HORMAD2: variants seen among roughly 807,000 people sequenced by gnomAD.
HORMAD2 encodes HORMA domain containing 2, also known as HORMA domain-containing protein 2.
A neutral mutation model predicts 38.8 loss-of-function variants in HORMAD2; 45 were observed. The ratio of observed to expected loss-of-function variants is 1.16; its 90% CI spans 0.91 to 1.49. The LOEUF (loss-of-function observed/expected upper bound fraction) is 1.49, where lower values mean the gene tolerates loss of function less well. Ranked by LOEUF, HORMAD2 falls within the 40% of genes most tolerant of loss-of-function variation. The pLI, the probability that HORMAD2 is intolerant of heterozygous loss-of-function variation, is 0.00. For missense variants in HORMAD2, 338 were observed against 367.0 expected (o/e 0.92, Z 0.65); for synonymous variants, 126 against 122.8 (o/e 1.03, Z -0.17).
rs1195194452 is a variant in HORMAD2 at position 30,121,809 on chromosome 22, C to G, written c.568+20C>G. ...ATGCAGGTAGGTAGAGAACTTTAGGCAAATTCCTCCTTAAGTGCTGAGCTA... is the reference window on the plus strand; with the variant it reads ...ATGCAGGTAGGTAGAGAACTTTAGGGAAATTCCTCCTTAAGTGCTGAGCTA... On this transcript the variant is annotated intron_variant, in intron 9 of 10. Transcript: ENST00000336726. 1 of 1,592,762 alleles carries G rather than the reference C, an allele frequency of 6.3e-7. No homozygotes were observed. The highest frequency in any genetic ancestry group is 1.4e-5 in the African/African-American group (1 of 73,836).
chr22:30,163,017 A>C (rs1397984404), intron 10 of HORMAD2, among the ~76,000 whole-genome samples: 3 of 152,134 alleles, frequency 2.0e-5, no homozygotes, highest in African/African-American at 7.2e-5. Flanking sequence ...TGGACATCTT[A>C]AAATCACAAA....
intron 1 of HORMAD2, among the ~76,000 whole-genome samples, chr22:30,085,657 G>C (rs548090854): frequency 2.6e-5 from 4 of 152,342 alleles, no homozygotes; most frequent in African/African-American, 9.6e-5. Context: ...AGGACGCTGA[G>C]GCAGGAGAAT....
intron 10 of HORMAD2, among the ~76,000 whole-genome samples, chr22:30,164,042 T>G (rs766781466): frequency 6.6e-5 from 10 of 152,234 alleles, no homozygotes; most frequent in Non-Finnish European, 1.5e-4. Flanking sequence ...CAAGTGGAAT[T>G]ATATAATATT....
chr22:30,091,262 C>CTTT (rs1569081364), intron 1 of HORMAD2, among the ~76,000 whole-genome samples: 1 of 116,626 alleles, frequency 8.6e-6, no homozygotes. Context: ...TTCTCTCTTT[C>CTTT]TTTCTTTTTT....
intron 10 of HORMAD2, among the ~76,000 whole-genome samples, chr22:30,159,233 C>T (rs1221265472): frequency 6.6e-6 from 1 of 152,118 alleles, no homozygotes; most frequent in Non-Finnish European, 1.5e-5. Context: ...ATATGCCCTG[C>T]CATAATACTG....
At position 30,127,199 on chromosome 22, in the gene HORMAD2, CTTTTTTTTTTTTT is replaced by C. The variant is rs757608874; in HGVS notation, c.819+5000_819+5012del. Among the ~76,000 whole-genome samples, 282 of 79,810 alleles carry C rather than the reference CTTTTTTTTTTTTT, an allele frequency of 3.5e-3. 2 individuals are homozygous for C. The highest frequency in any genetic ancestry group is 0.012 in the African/African-American group (237 of 20,550). The allele number at this position is 79,810 out of a possible 152,430, so 52.4% of individuals were successfully genotyped here. A position where few individuals can be genotyped will look rare whatever the true frequency, so the allele number is the denominator to read the frequency against. On this transcript the variant is annotated intron_variant, in intron 10 of 10. Transcript: ENST00000336726. ...ATGAGGTGTTTTATAAACAGAAGTT[CTTTTTTTTTTTTT>C]TTTTTTTTTTTTTTGAGACGGAGTC...
intron 4 of HORMAD2, 124 bp downstream of exon 4, chr22:30,103,624 C>A: frequency 1.0e-5 from 3 of 295,596 alleles, no homozygotes; most frequent in Admixed American, 6.1e-5. Flanking sequence ...TACTTTCCCT[C>A]TTTCTTTTTC....
chr22:30,185,072 C>T, the HORMAD2 span, among the ~76,000 whole-genome samples: 4 of 152,226 alleles, frequency 2.6e-5, no homozygotes, highest in Admixed American at 2.6e-4. Flanking sequence ...TTTTAACAAC[C>T]AGGAGATAGA....
chr22:30,146,563 G>A (rs1458133487), intron 10 of HORMAD2, among the ~76,000 whole-genome samples: 2 of 152,082 alleles, frequency 1.3e-5, no homozygotes, highest in Non-Finnish European at 2.9e-5. Flanking sequence ...TTCCTTGACT[G>A]TATAAAAGAC....
intron 10 of HORMAD2, among the ~76,000 whole-genome samples, chr22:30,125,662 C>T (rs1046956629): frequency 1.3e-5 from 2 of 152,150 alleles, no homozygotes; most frequent in Admixed American, 1.3e-4. Flanking sequence ...ATAATATTCT[C>T]ATATTTTATT....
intron 1 of HORMAD2, among the ~76,000 whole-genome samples, chr22:30,082,852 A>T (rs956524073): frequency 1.3e-5 from 2 of 152,100 alleles, no homozygotes; most frequent in Non-Finnish European, 2.9e-5. Context: ...AACAAAAAAA[A>T]TAGGGCAATT....
At chr22:30,186,725 C>T in the HORMAD2 span, among the ~76,000 whole-genome samples, 2 of 152,134 alleles carry the variant, frequency 1.3e-5, no homozygotes, top group South Asian at 4.1e-4. Context: ...AAGTGGAGCA[C>T]GTATCACTGA....
At chr22:30,097,244 C>T (rs918588299) in intron 2 of HORMAD2, among the ~76,000 whole-genome samples, 77 of 152,072 alleles carry the variant, frequency 5.1e-4, no homozygotes, top group African/African-American at 1.8e-3. Flanking sequence ...ATTTGAGATA[C>T]CGGCACAACC....
intron 1 of HORMAD2, among the ~76,000 whole-genome samples, chr22:30,089,421 T>C (rs1006016663): frequency 6.6e-6 from 1 of 151,810 alleles, no homozygotes; most frequent in African/African-American, 2.4e-5. Context: ...GGCGCAATCT[T>C]GGCTCACTGC....
chr22:30,206,199 C>T, the HORMAD2 span, among the ~76,000 whole-genome samples: 4 of 152,098 alleles, frequency 2.6e-5, no homozygotes, highest in African/African-American at 9.7e-5. Context: ...TGGAGTCTTG[C>T]TCTGTCACCC....
chr22:30,187,857 A>G, the HORMAD2 span, among the ~76,000 whole-genome samples: 3 of 151,954 alleles, frequency 2.0e-5, no homozygotes, highest in Non-Finnish European at 4.4e-5. Context: ...TCACTTTATA[A>G]AGTTCAGTTT....
chr22:30,141,870 C>T (rs549544491), intron 10 of HORMAD2, among the ~76,000 whole-genome samples: 1 of 152,294 alleles, frequency 6.6e-6, no homozygotes, highest in African/African-American at 2.4e-5. Context: ...GCTGAGATTA[C>T]AAGTGTGAGC....
At chr22:30,203,161 G>A in the HORMAD2 span, among the ~76,000 whole-genome samples, 11 of 152,324 alleles carry the variant, frequency 7.2e-5, no homozygotes, top group African/African-American at 2.2e-4. Context: ...TTGGGAGGCC[G>A]AGGCGGGTGG....
intron 8 of HORMAD2, 39 bp downstream of exon 8, chr22:30,119,086 G>C: frequency 7.2e-7 from 1 of 1,382,268 alleles, no homozygotes; most frequent in Non-Finnish European, 1.0e-6. Context: ...GAAATAAATA[G>C]GATTGAGGTA....
Sources: gnomAD v4.1 joint callset for allele counts (sites outside exome capture counted in the v4.1 genomes callset) on GRCh38, gnomAD v4.1.1 for gene constraint, MANE v1.5 for transcripts, NCBI Gene and HGNC (gene_info 2026-07-23, HGNC 2026-07-21) for gene names.